DVL1: variants seen among roughly 807,000 people sequenced by gnomAD.
DVL1 encodes dishevelled segment polarity protein 1, also known as segment polarity protein dishevelled homolog DVL-1.
In DVL1, 49 loss-of-function variants were observed where a neutral mutation model predicts 65.0. That is an observed-to-expected ratio of 0.75 (90% CI 0.60 to 0.96). The LOEUF is 0.96. Ranked by LOEUF, DVL1 falls within the 40% of genes least tolerant of loss-of-function variation. DVL1 has a pLI of 0.00. For missense variants in DVL1, 1,197 were observed against 1,045.4 expected, an observed-to-expected ratio of 1.15 and a Z score of -2.00; for synonymous variants, 608 against 433.9, an observed-to-expected ratio of 1.40 and a Z score of -4.99.
rs1414318614 is a variant in DVL1, at chr1:1,349,072, G to C, written c.-7C>G. On this transcript the variant is annotated 5_prime_UTR_variant, in exon 1 of 15. Coordinates refer to ENST00000378888, the MANE Select transcript of DVL1 (RefSeq NM_001330311.2). The surrounding 1 kb of genome is among the most constrained non-coding windows in gnomAD (Gnocchi z 4.1). ...TAATCTTGGTCTCCGCCATGGCGCG[G>C]CGGCGGCGCGGAGCCCGCGCGCTCA... 6 of 1,468,660 alleles carry C rather than the reference G, an allele frequency of 4.1e-6. No homozygotes were observed. The highest frequency in any genetic ancestry group is 5.5e-6 in the Non-Finnish European group (6 of 1,100,588). 91.0% of individuals were successfully genotyped at this position (1,468,660 alleles called of 1,614,324 possible). A position where few individuals can be genotyped will look rare whatever the true frequency, so the allele number is the denominator to read the frequency against.
At position 1,338,087 on chromosome 1, in the gene DVL1, C is replaced by T; in HGVS notation, c.1604G>A (p.Gly535Asp). The change falls in exon 14 of 15, where the codon GGT becomes GAT. Residue 535 changes from glycine (G) to aspartate (D), a missense_variant. Gly to Asp is a moderately conservative substitution (Grantham distance 94, BLOSUM62 -1). Transcript: ENST00000378888. The stretch of plus-strand genomic sequence containing the variant: ...CGGGTACTGGTAGGGGTAGCCCTGA[C>T]CCAGAGGCCAGGGGGCAGCCGGGTG... Reference protein sequence around the residue: ...LPHPAAPWPLGQGYPYQYPGP... With the variant: ...LPHPAAPWPLDQGYPYQYPGP... The T allele has an allele frequency of 6.2e-7, 1 of 1,610,260 alleles. No homozygotes were observed. Among genetic ancestry groups the T allele is most frequent in the Non-Finnish European group, 8.5e-7 (1 of 1,178,898 alleles).
At chr1:1,348,296 G>A (rs1017700793) in intron 1 of DVL1, among the ~76,000 whole-genome samples, 1 of 152,170 alleles carries the variant, frequency 6.6e-6, no homozygotes, top group Non-Finnish European at 1.5e-5. Flanking sequence ...GGCTGCTCCG[G>A]GAACGCAAGT....
intron 1 of DVL1, among the ~76,000 whole-genome samples, chr1:1,348,130 C>T (rs1271738320): frequency 1.3e-5 from 2 of 152,182 alleles, no homozygotes; most frequent in Admixed American, 6.5e-5. Context: ...GTGGCTGGGC[C>T]GGGCCAGGCC....
At chr1:1,342,268 C>A in intron 3 of DVL1, 95 bp downstream of exon 3, 1 of 1,495,376 alleles carries the variant, frequency 6.7e-7, no homozygotes. Flanking sequence ...GTGCCACGCC[C>A]GCCTACTGGC....
At chr1:1,339,691 A>C (rs1557666382) in intron 9 of DVL1, 42 bp from the exon 10 acceptor site, 1 of 1,611,912 alleles carries the variant, frequency 6.2e-7, no homozygotes, top group South Asian at 1.1e-5. Context: ...CCATGGTCCC[A>C]CCTCCCTGCC....
rs1258448188 is a variant in DVL1, at chr1:1,340,476, G to A, written c.633C>T (p.Thr211=). ...SRLSSSTEQS[T]SSRLIRKHKR... The stretch of plus-strand genomic sequence containing the variant: ...TGTGCTTCCGGATGAGTCTGGATGA[G>A]GTGCTCTGCTCCGTGGAGCTGCTGA... The change falls in exon 6 of 15, where the codon ACC becomes ACT. Residue 211 remains threonine, a synonymous_variant. Transcript: ENST00000378888. 6.2e-7 allele frequency: 1 copy of A among 1,610,148 alleles called. No individual in the cohort carries two copies. The highest frequency in any genetic ancestry group is 1.7e-5 in the Admixed American group (1 of 59,266).
intron 1 of DVL1, among the ~76,000 whole-genome samples, chr1:1,345,548 C>T (rs1025183993): frequency 6.6e-6 from 1 of 152,178 alleles, no homozygotes; most frequent in Non-Finnish European, 1.5e-5. Context: ...CTGCCAGGGG[C>T]GCCCCTGCCG....
In DVL1 at chr1:1,338,136, G is replaced by A; in HGVS notation, c.1555C>T (p.Gln519Ter). The part of the protein sequence containing the change: ...LNSGSSGTSD[Q>*]DTLAPLPHPA... Reference sequence around the variant, plus strand: ...TGGGGCAGCGGGGCCAGCGTGTCCTGATCCGAAGTCCCACTGGAGCCACTG... The same window carrying A: ...TGGGGCAGCGGGGCCAGCGTGTCCTAATCCGAAGTCCCACTGGAGCCACTG... Residue 519 changes from glutamine (Q) to a stop codon, truncating the protein, a stop_gained, in exon 14 of 15, where the codon CAG (glutamine) becomes TAG (stop). Transcript: ENST00000378888. LOFTEE classifies it high-confidence loss of function. 6.2e-7 allele frequency: 1 copy of A among 1,609,508 alleles called. No homozygotes were observed. The highest frequency in any genetic ancestry group is 1.1e-5 in the South Asian group (1 of 90,816).
In DVL1 at chr1:1,335,964, G is replaced by GA. The variant is rs1161308700; in HGVS notation, c.*177dup. The stretch of plus-strand genomic sequence containing the variant: ...GGAGCGCCCCCAACACGGCTGCTCA[G>GA]ACACAGGTGCTGTCAGGAGCTGGAG... On this transcript the variant is annotated 3_prime_UTR_variant, in exon 15 of 15. Coordinates refer to ENST00000378888, the MANE Select transcript of DVL1 (RefSeq NM_001330311.2). 12 of 813,974 alleles carry GA rather than the reference G, an allele frequency of 1.5e-5. No homozygotes were observed. Among genetic ancestry groups the GA allele is most frequent in the Non-Finnish European group, 2.1e-5 (11 of 529,782 alleles). 50.4% of individuals were successfully genotyped at this position (813,974 alleles called of 1,614,324 possible).
chr1:1,341,041 G>A (rs1643796017), intron 5 of DVL1, among the ~76,000 whole-genome samples: 1 of 127,918 alleles, frequency 7.8e-6, no homozygotes, highest in Admixed American at 8.3e-5. Context: ...CTGCACACAC[G>A]CACCCCTGCA....
At chr1:1,341,964 G>A (rs1244995803) in intron 4 of DVL1, 89 bp downstream of exon 4, 65 of 1,458,516 alleles carry the variant, frequency 4.5e-5, no homozygotes, top group Non-Finnish European at 1.8e-6. Context: ...CCACTGGCTG[G>A]GGGACAGGAA....
At chr1:1,336,568 C>T (rs1643583377) in intron 14 of DVL1, 53 bp from the exon 15 acceptor site, 14 of 1,473,042 alleles carry the variant, frequency 9.5e-6, no homozygotes, top group African/African-American at 4.4e-5. Flanking sequence ...GGCCCGGCCA[C>T]GTCCAGAACA....
At chr1:1,344,031 A>C (rs1031050380) in intron 1 of DVL1, among the ~76,000 whole-genome samples, 1 of 152,144 alleles carries the variant, frequency 6.6e-6, no homozygotes, top group Non-Finnish European at 1.5e-5. Context: ...TTCAGAGGGC[A>C]GGGTGGCAAC....
chr1:1,340,473 T>A lies in DVL1; in HGVS notation c.636A>T (p.Ser212=), dbSNP rs949475844. The stretch of plus-strand genomic sequence containing the variant: ...GTTTGTGCTTCCGGATGAGTCTGGA[T>A]GAGGTGCTCTGCTCCGTGGAGCTGC... ...RLSSSTEQST[S]SRLIRKHKRR... is the part of the protein sequence containing the mutation. The change falls in exon 6 of 15, where the codon TCA becomes TCT. Residue 212 remains serine, a synonymous_variant. Coordinates refer to ENST00000378888, the MANE Select transcript of DVL1 (RefSeq NM_001330311.2). 6.2e-7 allele frequency: 1 copy of A among 1,610,302 alleles called. No individual in the cohort carries two copies. The highest frequency in any genetic ancestry group is 1.7e-5 in the Admixed American group (1 of 59,286).
chr1:1,339,788 T>C lies in DVL1; in HGVS notation c.934A>G (p.Met312Val), dbSNP rs576258075. 2 of 1,612,214 alleles carry C rather than the reference T, an allele frequency of 1.2e-6. No individual in the cohort carries two copies. The highest frequency in any genetic ancestry group is 1.3e-5 in the African/African-American group (1 of 75,020). ...LQVNDVNFENMSNDDAVRVLR... is the reference protein window; with the variant it reads ...LQVNDVNFENVSNDDAVRVLR... ...ACCCGCACGGCATCGTCATTGCTCATGTTCTCAAAGTTCACGTCATTCACC... is the reference window on the plus strand; with the variant it reads ...ACCCGCACGGCATCGTCATTGCTCACGTTCTCAAAGTTCACGTCATTCACC... Residue 312 changes from methionine (M) to valine (V), a missense_variant, in exon 9 of 15, where the codon ATG (methionine) becomes GTG (valine). Coordinates refer to ENST00000378888, the MANE Select transcript of DVL1 (RefSeq NM_001330311.2).
At position 1,335,794 on chromosome 1, in the gene DVL1, C is replaced by T. The variant is rs1239605324; in HGVS notation, c.*348G>A. ...CTGTGCACCGCAGGGGGTTGCCCCG[C>T]ATGGACCACCCTGGGGGCCTGGGCA... On this transcript the variant is annotated 3_prime_UTR_variant, in exon 15 of 15. Coordinates refer to ENST00000378888, the MANE Select transcript of DVL1 (RefSeq NM_001330311.2). 6 of 328,426 alleles carry T rather than the reference C, an allele frequency of 1.8e-5. No individual in the cohort carries two copies. Among genetic ancestry groups the T allele is most frequent in the South Asian group, 1.5e-4 (4 of 25,816 alleles). 20.3% of individuals were successfully genotyped at this position (328,426 alleles called of 1,614,324 possible). A position where few individuals can be genotyped will look rare whatever the true frequency, so the allele number is the denominator to read the frequency against.
chr1:1,341,329 GTACA>G (rs1160999633), intron 5 of DVL1, among the ~76,000 whole-genome samples: 1 of 151,992 alleles, frequency 6.6e-6, no homozygotes, highest in East Asian at 1.9e-4. Flanking sequence ...TGCGCATCAT[GTACA>G]TAAACGTTTG....
At position 1,342,764 on chromosome 1, in the gene DVL1, G is replaced by A; in HGVS notation, c.171-6C>T. The A allele has an allele frequency of 6.2e-7, 1 of 1,612,708 alleles. No homozygotes were observed. Among genetic ancestry groups the A allele is most frequent in the Non-Finnish European group, 8.5e-7 (1 of 1,179,650 alleles). The stretch of plus-strand genomic sequence containing the variant: ...AGATCTCCTCCTTCACCACCCTGTG[G>A]GCATATGCTGCCGTGAGGCCCCACC... On this transcript the variant is annotated splice_polypyrimidine_tract_variant and splice_region_variant and intron_variant, in intron 1 of 14. Coordinates refer to ENST00000378888, the MANE Select transcript of DVL1 (RefSeq NM_001330311.2).
chr1:1,341,024 TG>T (rs1272958511), intron 5 of DVL1, among the ~76,000 whole-genome samples: 4 of 115,794 alleles, frequency 3.5e-5, no homozygotes, highest in African/African-American at 1.4e-4. Context: ...CCCTGCACAA[TG>T]CACCCCTGCA....
Sources: allele counts gnomAD v4.1 joint callset (sites outside exome capture counted in the v4.1 genomes callset), GRCh38; gene constraint gnomAD v4.1.1; non-coding constraint Gnocchi (gnomAD v3.1); transcripts MANE v1.5; gene names NCBI Gene and HGNC (gene_info 2026-07-23, HGNC 2026-07-21).